The following USP6NL variants were observed in gnomAD, a reference collection of about 807,000 sequenced individuals.
The protein encoded by USP6NL is USP6 N-terminal-like protein.
Under a neutral mutation model 61.9 loss-of-function variants are expected in USP6NL, and 26 were observed. That is an observed-to-expected ratio of 0.42 (90% confidence interval 0.31 to 0.58). USP6NL has a LOEUF of 0.58. USP6NL is among the 20% of genes least tolerant of loss of function. USP6NL has a pLI of 0.16. For synonymous variants in USP6NL, 432 were observed against 390.1 expected, an observed-to-expected ratio of 1.11 and a Z score of -1.27; for missense variants, 1,114 against 1,034.3, an observed-to-expected ratio of 1.08 and a Z score of -1.06.
Position 11,528,159 on chromosome 10 carries a change from A to C in USP6NL, c.5-592T>G, listed in dbSNP as rs74116270. Among the ~76,000 whole-genome samples, 657 of 150,898 alleles carry C rather than the reference A, an allele frequency of 4.4e-3. 7 individuals carry two copies. The highest frequency in any genetic ancestry group is 0.012 in the African/African-American group (488 of 40,878). ...CACACACACACACACACACACACACACCCTTCATCCTTATTAACATTAGGA... is the reference window on the plus strand; with the variant it reads ...CACACACACACACACACACACACACCCCCTTCATCCTTATTAACATTAGGA... On this transcript the variant is annotated intron_variant, in intron 2 of 14. Coordinates refer to ENST00000609104, the MANE Select transcript of USP6NL (RefSeq NM_014688.5). The surrounding 1 kb of genome is among the most constrained non-coding windows in gnomAD (Gnocchi z 4.6).
At chr10:11,599,860 G>A (rs1008499123) in intron 1 of USP6NL, among the ~76,000 whole-genome samples, 5 of 151,302 alleles carry the variant, frequency 3.3e-5, no homozygotes, top group South Asian at 4.2e-4. Context: ...AGCATTTCAC[G>A]GTGTTAGCCA....
rs1322518503 is a variant in USP6NL at position 11,553,701 on chromosome 10, G to T, written c.5-26134C>A. Among the ~76,000 whole-genome samples the T allele has an allele frequency of 6.6e-6, 1 of 151,976 alleles. No individual in the cohort carries two copies. The highest frequency in any genetic ancestry group is 1.5e-5 in the Non-Finnish European group (1 of 67,996). Reference sequence around the variant, plus strand: ...TCTGAGGTCAGGAGTTAAGAGACCAGCCTGACCAACATGATGAAACCCCGT... The same window carrying T: ...TCTGAGGTCAGGAGTTAAGAGACCATCCTGACCAACATGATGAAACCCCGT... On this transcript the variant is annotated intron_variant, in intron 2 of 14. Coordinates refer to ENST00000609104, the MANE Select transcript of USP6NL (RefSeq NM_014688.5). The surrounding 1 kb of genome is among the most constrained non-coding windows in gnomAD (Gnocchi z 4.8).
In USP6NL at chr10:11,463,965, T is replaced by C; in HGVS notation, c.1079-116A>G. The C allele has an allele frequency of 1.1e-6, 1 of 943,720 alleles. No individual in the cohort carries two copies. The highest frequency in any genetic ancestry group is 1.7e-5 in the African/African-American group (1 of 59,982). 58.5% of individuals were successfully genotyped at this position (943,720 alleles called of 1,614,324 possible). On this transcript the variant is annotated intron_variant, in intron 14 of 14. Transcript: ENST00000609104. The surrounding 1 kb of genome is among the most constrained non-coding windows in gnomAD (Gnocchi z 6.3). ...ATCTGTGCACAGATACACGCTGACA[T>C]ACAACACACTGTCATACAACACACT... is the stretch of plus-strand genomic sequence containing the variant.
rs1349417558 is a variant in USP6NL, at chr10:11,462,310, C to G, written c.*131G>C. On this transcript the variant is annotated 3_prime_UTR_variant, in exon 15 of 15. Coordinates refer to ENST00000609104, the MANE Select transcript of USP6NL (RefSeq NM_014688.5). ...GGGGCTGAAGACATTTCCCTGTATT[C>G]TTACTACTAACAGACAGGAGAGATG... is the stretch of plus-strand genomic sequence containing the variant. The G allele has an allele frequency of 3.6e-6, 4 of 1,101,200 alleles. No homozygotes were observed. The highest frequency in any genetic ancestry group is 5.1e-6 in the Non-Finnish European group (4 of 792,010). The allele number at this position is 1,101,200 out of a possible 1,614,324, so 68.2% of individuals were successfully genotyped here.
intron 2 of USP6NL, among the ~76,000 whole-genome samples, chr10:11,529,745 T>A (rs1835571671): frequency 6.6e-6 from 1 of 152,188 alleles, no homozygotes; most frequent in South Asian, 2.1e-4. Flanking sequence ...CCTTTGTCAG[T>A]TCCTTTTTCC....
At position 11,532,364 on chromosome 10, in the gene USP6NL, A is replaced by C; in HGVS notation, c.5-4797T>G. The stretch of plus-strand genomic sequence containing the variant: ...AGAAAGGCAGAGGCAGCTCTACTTT[A>C]AACTATCTGTGAAACAAGCACAAGA... On this transcript the variant is annotated intron_variant, in intron 2 of 14. Coordinates refer to ENST00000609104, the MANE Select transcript of USP6NL (RefSeq NM_014688.5). The surrounding 1 kb of genome is among the most constrained non-coding windows in gnomAD (Gnocchi z 4.1). 1.5e-6 allele frequency: 1 copy of C among 656,298 alleles called. No individual in the cohort carries two copies. Among genetic ancestry groups the C allele is most frequent in the South Asian group, 2.8e-5 (1 of 35,464 alleles). 40.7% of individuals were successfully genotyped at this position (656,298 alleles called of 1,614,324 possible). A position where few individuals can be genotyped will look rare whatever the true frequency, so the allele number is the denominator to read the frequency against.
chr10:11,564,739 T>TA (rs1837065249), intron 2 of USP6NL: 1 of 152,194 alleles, frequency 6.6e-6, no homozygotes, highest in African/African-American at 2.4e-5. Context: ...ATGATACACC[T>TA]AAAAAATCTG....
chr10:11,514,550 G>T (rs12766898), intron 5 of USP6NL, among the ~76,000 whole-genome samples: 3 of 151,954 alleles, frequency 2.0e-5, no homozygotes, highest in African/African-American at 7.3e-5. Flanking sequence ...ACTACTTCCC[G>T]TCTGAGTGGC....
chr10:11,607,426 G>A (rs1302184938), intron 1 of USP6NL, among the ~76,000 whole-genome samples: 4 of 152,142 alleles, frequency 2.6e-5, no homozygotes, highest in Non-Finnish European at 5.9e-5. Flanking sequence ...GCTCACAACT[G>A]CAATCCCAGC....
intron 2 of USP6NL, among the ~76,000 whole-genome samples, chr10:11,552,566 C>G (rs577015031): frequency 2.0e-5 from 3 of 152,144 alleles, no homozygotes; most frequent in Non-Finnish European, 4.4e-5. Context: ...ACTGCAACCA[C>G]GGGTTTCGTG....
At chr10:11,502,184 G>A (rs1247114699) in intron 6 of USP6NL, among the ~76,000 whole-genome samples, 3 of 151,754 alleles carry the variant, frequency 2.0e-5, no homozygotes, top group Middle Eastern at 3.4e-3. Context: ...GCGTGAACCC[G>A]GGAGGCAGAG....
rs370764921 is a variant in USP6NL, at chr10:11,484,917, GTTAAA to G, written c.925+49_925+53del. On this transcript the variant is annotated intron_variant, in intron 13 of 14. Coordinates refer to ENST00000609104, the MANE Select transcript of USP6NL (RefSeq NM_014688.5). ...AGTGGGTGGGGAATGAGAAATCAAG[GTTAAA>G]TAAGCCTCAATTTTTAATGAAATTT... The G allele has an allele frequency of 2.4e-5, 33 of 1,388,516 alleles. No homozygotes were observed. In the African/African-American group the frequency reaches 3.4e-4, roughly 14 times the overall value. 86.0% of individuals were successfully genotyped at this position (1,388,516 alleles called of 1,614,324 possible). A position where few individuals can be genotyped will look rare whatever the true frequency, so the allele number is the denominator to read the frequency against.
intron 10 of USP6NL, among the ~76,000 whole-genome samples, chr10:11,488,358 T>C (rs903400957): frequency 2.0e-5 from 3 of 152,150 alleles, no homozygotes; most frequent in African/African-American, 7.2e-5. Context: ...AAGACTGCAA[T>C]GAGTCACACC....
chr10:11,500,638 C>G (rs1834143051), intron 7 of USP6NL, among the ~76,000 whole-genome samples: 1 of 151,992 alleles, frequency 6.6e-6, no homozygotes, highest in South Asian at 2.1e-4. Context: ...AATCTTGGGG[C>G]AAAGTCATCT....
chr10:11,555,471 A>AAAGAGAG (rs1836674478), intron 2 of USP6NL, among the ~76,000 whole-genome samples: 11 of 62,186 alleles, frequency 1.8e-4, no homozygotes, highest in South Asian at 1.5e-3. Flanking sequence ...GAGAGAGAGA[A>AAAGAGAG]AGAGAGAGAG....
At chr10:11,502,622 C>A (rs972266877) in intron 6 of USP6NL, among the ~76,000 whole-genome samples, 2 of 152,146 alleles carry the variant, frequency 1.3e-5, no homozygotes, top group Non-Finnish European at 2.9e-5. Flanking sequence ...ATAAGTAGTA[C>A]ACAAGGCTTT....
chr10:11,517,239 G>A (rs1168851186), intron 5 of USP6NL, among the ~76,000 whole-genome samples: 2 of 152,234 alleles, frequency 1.3e-5, no homozygotes, highest in Non-Finnish European at 2.9e-5. Flanking sequence ...CATAGTCAGA[G>A]TGTGAGAACA....
rs1362490929 is a variant in USP6NL, at chr10:11,491,261, G to A, written c.495-381C>T. 6.6e-6 allele frequency among the ~76,000 whole-genome samples: 1 copy of A among 152,192 alleles called. No individual in the cohort carries two copies. Among genetic ancestry groups the A allele is most frequent in the Non-Finnish European group, 1.5e-5 (1 of 68,034 alleles). On this transcript the variant is annotated intron_variant, in intron 8 of 14. Transcript: ENST00000609104. The surrounding 1 kb of genome is among the most constrained non-coding windows in gnomAD (Gnocchi z 4.7). ...AGGTACAATACCCTGCAGGGAAAGGGTGATGTCCTTGGGATGCTGAATATG... is the reference window on the plus strand; with the variant it reads ...AGGTACAATACCCTGCAGGGAAAGGATGATGTCCTTGGGATGCTGAATATG...
At chr10:11,545,338 A>G (rs1836233112) in intron 2 of USP6NL, among the ~76,000 whole-genome samples, 1 of 152,132 alleles carries the variant, frequency 6.6e-6, no homozygotes, top group South Asian at 2.1e-4. Flanking sequence ...GCTCTAAAAG[A>G]AAAGTAATCC....
Sources: allele counts gnomAD v4.1 joint callset (sites outside exome capture counted in the v4.1 genomes callset), GRCh38; gene constraint gnomAD v4.1.1; non-coding constraint Gnocchi (gnomAD v3.1); transcripts MANE v1.5; gene names NCBI Gene and HGNC (gene_info 2026-07-23, HGNC 2026-07-21).